SH3RF1: variants seen among roughly 807,000 people sequenced by gnomAD.
The protein encoded by SH3RF1 is E3 ubiquitin-protein ligase SH3RF1.
SH3RF1 carries 32 observed loss-of-function variants against 74.0 expected under a neutral mutation model. That is an observed-to-expected ratio of 0.43 (90% CI 0.33 to 0.58). The LOEUF is 0.58. SH3RF1 is among the 20% of genes least tolerant of loss of function. The pLI, the probability that SH3RF1 is intolerant of heterozygous loss-of-function variation, is 0.05. For missense variants in SH3RF1, 954 were observed against 1,130.9 expected, an observed-to-expected ratio of 0.84 and a Z score of 2.24; for synonymous variants, 396 against 439.6, an observed-to-expected ratio of 0.90 and a Z score of 1.24.
intron 2 of SH3RF1, among the ~76,000 whole-genome samples, chr4:169,259,595 T>C (rs1202849992): frequency 6.6e-6 from 1 of 152,126 alleles, no homozygotes; most frequent in Non-Finnish European, 1.5e-5. Flanking sequence ...GTTACTACCT[T>C]CAGAAAAAAC....
At chr4:169,135,611 T>G (rs960952839) in intron 5 of SH3RF1, among the ~76,000 whole-genome samples, 6 of 152,194 alleles carry the variant, frequency 3.9e-5, no homozygotes, top group African/African-American at 7.2e-5. Flanking sequence ...AGCAAATTGC[T>G]ATATTTTAGA....
chr4:169,175,054 A>C (rs1331509881), intron 2 of SH3RF1, among the ~76,000 whole-genome samples: 1 of 152,154 alleles, frequency 6.6e-6, no homozygotes, highest in Non-Finnish European at 1.5e-5. Flanking sequence ...TAAATAGCCC[A>C]CTGTTCACCT....
intron 2 of SH3RF1, among the ~76,000 whole-genome samples, chr4:169,176,253 A>G (rs1429812367): frequency 6.6e-6 from 1 of 152,162 alleles, no homozygotes; most frequent in East Asian, 1.9e-4. Context: ...GTCAATGGGG[A>G]GCAGCCTGGA....
chr4:169,252,058 C>A (rs549928017), intron 2 of SH3RF1, among the ~76,000 whole-genome samples: 2 of 152,154 alleles, frequency 1.3e-5, no homozygotes, highest in African/African-American at 2.4e-5. Flanking sequence ...TGTTCCGCAG[C>A]GACTCAAGAA....
intron 10 of SH3RF1, among the ~76,000 whole-genome samples, chr4:169,112,925 C>T (rs900935345): frequency 2.0e-5 from 3 of 152,004 alleles, no homozygotes; most frequent in Admixed American, 6.6e-5. Context: ...CAAACTTTGA[C>T]GAGAGGGAAA....
intron 1 of SH3RF1, 88 bp from the exon 2 acceptor site, chr4:169,269,395 C>T: frequency 1.6e-6 from 1 of 614,292 alleles, no homozygotes; most frequent in Non-Finnish European, 2.7e-6. Flanking sequence ...CAAAAAGTAC[C>T]CAAAAGTACA....
Position 169,184,619 on chromosome 4 carries a change from C to G in SH3RF1, c.394-27940G>C, listed in dbSNP as rs562988034. 9.9e-5 allele frequency among the ~76,000 whole-genome samples: 15 copies of G among 152,232 alleles called. No homozygotes were observed. In the South Asian group the frequency reaches 3.1e-3, roughly 32 times the overall value. ...ACGGAGACCACTAATTAACTATGAG[C>G]CACTAAAAAGGAGATGCCAATCACA... is the stretch of plus-strand genomic sequence containing the variant. On this transcript the variant is annotated intron_variant, in intron 2 of 11. Transcript: ENST00000284637.
At chr4:169,198,252 A>G (rs17054834) in intron 2 of SH3RF1, among the ~76,000 whole-genome samples, 1 of 152,166 alleles carries the variant, frequency 6.6e-6, no homozygotes, top group Non-Finnish European at 1.5e-5. Context: ...TAAACCACAA[A>G]TGAAGGCCTA....
chr4:169,189,026 G>C (rs887905637), intron 2 of SH3RF1, among the ~76,000 whole-genome samples: 1 of 152,216 alleles, frequency 6.6e-6, no homozygotes, highest in Non-Finnish European at 1.5e-5. Flanking sequence ...AAAACTTCCA[G>C]GGATACAATT....
At chr4:169,123,442 T>C (rs1452226457) in intron 6 of SH3RF1, among the ~76,000 whole-genome samples, 1 of 152,240 alleles carries the variant, frequency 6.6e-6, no homozygotes, top group East Asian at 1.9e-4. Context: ...TCCCACACTG[T>C]AGCTAAAGTG....
At chr4:169,248,765 CAG>C (rs1731049417) in intron 2 of SH3RF1, among the ~76,000 whole-genome samples, 1 of 152,200 alleles carries the variant, frequency 6.6e-6, no homozygotes, top group South Asian at 2.1e-4. Flanking sequence ...TGTGACTATT[CAG>C]ACACAGACAA....
intron 2 of SH3RF1, among the ~76,000 whole-genome samples, chr4:169,203,262 C>T (rs1734939793): frequency 6.6e-6 from 1 of 152,082 alleles, no homozygotes; most frequent in African/African-American, 2.4e-5. Flanking sequence ...AAAAATATCC[C>T]AGAACTGGCC....
Position 169,120,803 on chromosome 4 carries a change from G to A in SH3RF1, c.1517+16C>T, listed in dbSNP as rs753430027. 4 of 1,612,854 alleles carry A rather than the reference G, an allele frequency of 2.5e-6. No individual in the cohort carries two copies. The highest frequency in any genetic ancestry group is 1.7e-5 in the Admixed American group (1 of 60,012). ...CTCTGTTTAGAACATAGTAAACAATGTATTCAAAACCATACCTTGTGACTG... is the reference window on the plus strand; with the variant it reads ...CTCTGTTTAGAACATAGTAAACAATATATTCAAAACCATACCTTGTGACTG... On this transcript the variant is annotated intron_variant, in intron 8 of 11. Coordinates refer to ENST00000284637, the MANE Select transcript of SH3RF1 (RefSeq NM_020870.4).
chr4:169,119,278 ATTTTTTTTT>A (rs11397253), intron 8 of SH3RF1, among the ~76,000 whole-genome samples: 4 of 66,394 alleles, frequency 6.0e-5, no homozygotes, highest in East Asian at 9.7e-4. Flanking sequence ...TAATTTTTGT[ATTTTTTTTT>A]TTTTTTTTTT....
chr4:169,211,498 A>AAAAG (rs549165211), intron 2 of SH3RF1, among the ~76,000 whole-genome samples: 1 of 150,912 alleles, frequency 6.6e-6, no homozygotes, highest in East Asian at 1.9e-4. Context: ...AAAAAAAAAA[A>AAAAG]AAGAAGAAGA....
chr4:169,100,382 C>T (rs1197806405), intron 11 of SH3RF1, among the ~76,000 whole-genome samples: 1 of 152,130 alleles, frequency 6.6e-6, no homozygotes, highest in Non-Finnish European at 1.5e-5. Context: ...GCTCTTGTCA[C>T]CCAGGCTAGA....
At chr4:169,252,790 A>G (rs987169538) in intron 2 of SH3RF1, among the ~76,000 whole-genome samples, 1 of 152,220 alleles carries the variant, frequency 6.6e-6, no homozygotes, top group Non-Finnish European at 1.5e-5. Context: ...ATACATTCTA[A>G]ATTTCAACAT....
intron 11 of SH3RF1, among the ~76,000 whole-genome samples, chr4:169,100,906 G>T (rs1733015907): frequency 6.6e-6 from 1 of 152,148 alleles, no homozygotes; most frequent in South Asian, 2.1e-4. Flanking sequence ...GTTCCTTCTA[G>T]TGGGAGTCTC....
chr4:169,174,616 AC>A (rs766598706), intron 2 of SH3RF1, among the ~76,000 whole-genome samples: 21 of 152,136 alleles, frequency 1.4e-4, no homozygotes, highest in Non-Finnish European at 2.8e-4. Context: ...CTCTTTTCTA[AC>A]TAAATTTACT....
Sources: allele counts gnomAD v4.1 joint callset (sites outside exome capture counted in the v4.1 genomes callset), GRCh38; gene constraint gnomAD v4.1.1; transcripts MANE v1.5; gene names NCBI Gene and HGNC (gene_info 2026-07-23, HGNC 2026-07-21).